The following VPS13A variants were observed in gnomAD, a reference collection of about 807,000 sequenced individuals.
The protein encoded by VPS13A is intermembrane lipid transfer protein VPS13A.
VPS13A carries 264 observed loss-of-function variants against 390.9 expected under a neutral mutation model. The ratio of observed to expected loss-of-function variants is 0.68; its 90% confidence interval spans 0.61 to 0.75. The LOEUF (loss-of-function observed/expected upper bound fraction) is 0.75, where lower values mean the gene tolerates loss of function less well. VPS13A is among the 30% of genes least tolerant of loss of function. The probability of loss-of-function intolerance (pLI) is 0.00; values close to 1 mark genes in which losing one functional copy is unlikely to be tolerated. For synonymous variants in VPS13A, 1,231 were observed against 1,227.1 expected (o/e 1.00, Z -0.07); for missense variants, 3,409 against 3,733.9 (o/e 0.91, Z 2.27).
At chr9:77,273,106 T>TA (rs1350028096) in intron 23 of VPS13A, among the ~76,000 whole-genome samples, 174 bp from the exon 24 acceptor site, 4 of 152,246 alleles carry the variant, frequency 2.6e-5, no homozygotes, top group Non-Finnish European at 4.4e-5. Flanking sequence ...ACTACTTCTT[T>TA]AAAATCTGCG....
At chr9:77,348,007 G>A (rs922244205) in intron 52 of VPS13A, among the ~76,000 whole-genome samples, 13 of 152,158 alleles carry the variant, frequency 8.5e-5, no homozygotes, top group Middle Eastern at 3.4e-3. Flanking sequence ...AAATAGGAAC[G>A]CTTTTACACT....
intron 71 of VPS13A, among the ~76,000 whole-genome samples, chr9:77,413,784 G>A (rs978777682): frequency 1.2e-4 from 18 of 152,236 alleles, no homozygotes; most frequent in Non-Finnish European, 2.4e-4. Context: ...AGCAAAAGAA[G>A]CTACCATCAG....
Position 77,416,677 on chromosome 9 carries a change from A to C in VPS13A, c.*671A>C, listed in dbSNP as rs576484282. ...CCTTAAAGAAATAAGTATCCTACTC[A>C]AAAAAGGAAGTCTGTTTCAGAACTT... On this transcript the variant is annotated 3_prime_UTR_variant, in exon 72 of 72. Transcript: ENST00000360280. 6.5e-6 allele frequency: 1 copy of C among 152,696 alleles called. No homozygotes were observed. The highest frequency in any genetic ancestry group is 2.4e-5 in the African/African-American group (1 of 41,584). 9.5% of individuals were successfully genotyped at this position (152,696 alleles called of 1,614,324 possible).
chr9:77,320,874 G>A (rs564177186), intron 42 of VPS13A, among the ~76,000 whole-genome samples: 1 of 152,084 alleles, frequency 6.6e-6, no homozygotes, highest in East Asian at 1.9e-4. Context: ...TTTGAAGTAT[G>A]TGCTTTTATA....
At chr9:77,370,613 A>C (rs1443937785) in intron 65 of VPS13A, 35 bp downstream of exon 65, 1 of 1,613,330 alleles carries the variant, frequency 6.2e-7, no homozygotes, top group African/African-American at 1.3e-5. Flanking sequence ...AGATTTTGGG[A>C]AATATCTTTT....
chr9:77,384,736 G>T, intron 68 of VPS13A: 1 of 1,553,588 alleles, frequency 6.4e-7, no homozygotes, highest in South Asian at 1.2e-5. Context: ...TGTTTTGTAT[G>T]ACTTATACCA....
At chr9:77,293,668 T>TATAC (rs1827807494) in intron 32 of VPS13A, among the ~76,000 whole-genome samples, 160 bp downstream of exon 32, 2 of 152,052 alleles carry the variant, frequency 1.3e-5, no homozygotes, top group Admixed American at 1.3e-4. Flanking sequence ...TGTAGTTCCT[T>TATAC]ATTTATATAA....
intron 1 of VPS13A, among the ~76,000 whole-genome samples, chr9:77,194,573 A>G (rs1824877405): frequency 6.6e-6 from 1 of 152,012 alleles, no homozygotes; most frequent in Non-Finnish European, 1.5e-5. Context: ...CCAACTTCCC[A>G]AGCAGCTGTC....
intron 1 of VPS13A, chr9:77,178,052 C>T (rs1823753589): frequency 9.2e-6 from 4 of 436,326 alleles, no homozygotes; most frequent in Admixed American, 3.6e-5. Context: ...CTATATTTTC[C>T]GAGCGGAGCG....
In VPS13A at chr9:77,280,318, A is replaced by G. The variant is rs1826945616; in HGVS notation, c.2904+80A>G. ...AAGTTTTGTAAGTTTGGTATTATTC[A>G]GTTTATTTAATCTTCACTGTAACAT... On this transcript the variant is annotated intron_variant, in intron 27 of 71. Coordinates refer to ENST00000360280, the MANE Select transcript of VPS13A (RefSeq NM_033305.3). The G allele has an allele frequency of 5.0e-6, 6 of 1,202,346 alleles. No homozygotes were observed. In the South Asian group the frequency reaches 5.0e-5, roughly 10 times the overall value. 74.5% of individuals were successfully genotyped at this position (1,202,346 alleles called of 1,614,324 possible). A position where few individuals can be genotyped will look rare whatever the true frequency, so the allele number is the denominator to read the frequency against.
chr9:77,416,412 C>CTTA lies in VPS13A; in HGVS notation c.*409_*411dup, dbSNP rs1408859226. 5.3e-6 allele frequency: 1 copy of CTTA among 187,196 alleles called. No individual in the cohort carries two copies. The highest frequency in any genetic ancestry group is 2.4e-5 in the African/African-American group (1 of 41,860). 11.6% of individuals were successfully genotyped at this position (187,196 alleles called of 1,614,324 possible). A position where few individuals can be genotyped will look rare whatever the true frequency, so the allele number is the denominator to read the frequency against. On this transcript the variant is annotated 3_prime_UTR_variant, in exon 72 of 72. Coordinates refer to ENST00000360280, the MANE Select transcript of VPS13A (RefSeq NM_033305.3). ...GTTCACATTTTGTACTTCTGTCATGCTTATTTCAAACTCCCTGAGTGATGG... is the reference window on the plus strand; with the variant it reads ...GTTCACATTTTGTACTTCTGTCATGCTTATTATTTCAAACTCCCTGAGTGATGG...
chr9:77,245,033 A>G (rs932703155), intron 19 of VPS13A, among the ~76,000 whole-genome samples: 3 of 152,110 alleles, frequency 2.0e-5, no homozygotes, highest in Non-Finnish European at 4.4e-5. Context: ...GAGTGAGGGG[A>G]GAGTGGAGGG....
intron 59 of VPS13A, among the ~76,000 whole-genome samples, chr9:77,362,945 T>A (rs887678386): frequency 2.0e-5 from 3 of 152,184 alleles, no homozygotes; most frequent in Non-Finnish European, 4.4e-5. Context: ...TGCAGTTGAT[T>A]TTTTTATACT....
At chr9:77,370,988 C>T (rs534317322) in intron 66 of VPS13A, 38 bp from the exon 67 acceptor site, 1 of 1,614,060 alleles carries the variant, frequency 6.2e-7, no homozygotes, top group African/African-American at 1.3e-5. Flanking sequence ...TGTTTTCATT[C>T]TTGGATGCAA....
rs79110899 is a variant in VPS13A, at chr9:77,235,754, A to G, written c.1596-2248A>G. Among the ~76,000 whole-genome samples, 1,484 of 152,190 alleles carry G rather than the reference A, an allele frequency of 9.8e-3. 18 individuals carry two copies. The highest frequency in any genetic ancestry group is 0.021 in the Middle Eastern group (6 of 292). On this transcript the variant is annotated intron_variant, in intron 17 of 71. Coordinates refer to ENST00000360280, the MANE Select transcript of VPS13A (RefSeq NM_033305.3). ...TTATTCTTTATGCTCCACAGACTCA[A>G]TAATTTCAGTTGTCCTGTATTCAAG... is the stretch of plus-strand genomic sequence containing the variant.
At chr9:77,389,362 C>T (rs940016617) in intron 68 of VPS13A, among the ~76,000 whole-genome samples, 3 of 148,648 alleles carry the variant, frequency 2.0e-5, no homozygotes, top group African/African-American at 7.5e-5. Context: ...TGCTGGAGTG[C>T]AGTGGCTTGA....
chr9:77,266,508 T>C (rs1354215041), intron 23 of VPS13A, among the ~76,000 whole-genome samples: 1 of 152,184 alleles, frequency 6.6e-6, no homozygotes, highest in Non-Finnish European at 1.5e-5. Flanking sequence ...TTCTGGCTTG[T>C]AGGGTTTCTG....
chr9:77,185,855 A>G (rs919593016), intron 1 of VPS13A, among the ~76,000 whole-genome samples: 20 of 152,230 alleles, frequency 1.3e-4, no homozygotes, highest in African/African-American at 4.6e-4. Context: ...GGTCAGGTAT[A>G]GTGGCTCACG....
chr9:77,197,492 G>A (rs747083694), intron 1 of VPS13A, among the ~76,000 whole-genome samples: 3 of 152,026 alleles, frequency 2.0e-5, no homozygotes, highest in South Asian at 2.1e-4. Flanking sequence ...GTGAAGTGTC[G>A]GTTTTATCAT....
Sources: allele counts gnomAD v4.1 joint callset (sites outside exome capture counted in the v4.1 genomes callset), GRCh38; gene constraint gnomAD v4.1.1; transcripts MANE v1.5; gene names NCBI Gene and HGNC (gene_info 2026-07-23, HGNC 2026-07-21).